Variants in TDRD15 observed in about 807,000 individuals in gnomAD.
TDRD15 encodes tudor domain-containing protein 15.
For synonymous variants in TDRD15, 503 were observed against 314.5 expected, an observed-to-expected ratio of 1.60 and a Z score of -6.34; for missense variants, 1,416 against 904.7, an observed-to-expected ratio of 1.57 and a Z score of -7.25.
At chr2:21,128,167 T>A (rs1665635341) in intron 2 of TDRD15, among the ~76,000 whole-genome samples, 1 of 152,196 alleles carries the variant, frequency 6.6e-6, no homozygotes, top group African/African-American at 2.4e-5. Flanking sequence ...ATATAATCAT[T>A]CATTTATGTT....
In TDRD15 at chr2:21,138,037, T is replaced by C; in HGVS notation, c.570T>C (p.Phe190=). The change falls in exon 4 of 4, where the codon TTT becomes TTC. Residue 190 remains phenylalanine (F), a synonymous_variant. Coordinates refer to ENST00000405799, the MANE Select transcript of TDRD15 (RefSeq NM_001306137.2). ...GAAGACTTGTTGATGGAGATTCATT[T>C]CGTCTTATTGTGGAAATGTTAGAAG... ...QLGRLVDGDS[F]RLIVEMLEEF... The C allele has an allele frequency of 1.4e-6, 1 of 716,348 alleles. No homozygotes were observed. The highest frequency in any genetic ancestry group is 2.6e-6 in the Non-Finnish European group (1 of 384,480). The allele number at this position is 716,348 out of a possible 1,614,324, so 44.4% of individuals were successfully genotyped here. A position where few individuals can be genotyped will look rare whatever the true frequency, so the allele number is the denominator to read the frequency against.
intron 1 of TDRD15, among the ~76,000 whole-genome samples, chr2:21,124,750 G>A (rs111206605): frequency 2.2e-3 from 326 of 147,760 alleles, no homozygotes; most frequent in African/African-American, 7.6e-3. Context: ...GTGCGTGTGT[G>A]TGTGTGTGAC....
At position 21,141,170 on chromosome 2, in the gene TDRD15, G is replaced by T; in HGVS notation, c.3703G>T (p.Gly1235Cys). Residue 1235 changes from glycine (G) to cysteine (C), a missense_variant, in exon 4 of 4, where the codon GGT becomes TGT. Gly to Cys is a radical substitution (Grantham distance 159). Coordinates refer to ENST00000405799, the MANE Select transcript of TDRD15 (RefSeq NM_001306137.2). Reference protein sequence around the residue: ...MKTSLNDGLKGIKIVPGAAHI... With the variant: ...MKTSLNDGLKCIKIVPGAAHI... ...GACTTCTTTGAATGATGGGCTTAAA[G>T]GTATAAAAATTGTCCCTGGAGCTGC... The T allele has an allele frequency of 1.4e-6, 1 of 714,960 alleles. No homozygotes were observed. The highest frequency in any genetic ancestry group is 2.7e-5 in the East Asian group (1 of 37,254). The allele number at this position is 714,960 out of a possible 1,614,324, so 44.3% of individuals were successfully genotyped here.
chr2:21,127,195 T>C (rs1465838232), intron 1 of TDRD15, among the ~76,000 whole-genome samples: 2 of 152,214 alleles, frequency 1.3e-5, no homozygotes, highest in African/African-American at 4.8e-5. Flanking sequence ...AAAAGTTCTT[T>C]ATATATTTTA....
At chr2:21,126,254 A>AT (rs1665590776) in intron 1 of TDRD15, among the ~76,000 whole-genome samples, 1 of 151,866 alleles carries the variant, frequency 6.6e-6, no homozygotes, top group African/African-American at 2.4e-5. Context: ...ATTAAATGGC[A>AT]TTTTCTAGGA....
At chr2:21,132,685 A>G (rs1378637867) in intron 2 of TDRD15, among the ~76,000 whole-genome samples, 1 of 152,210 alleles carries the variant, frequency 6.6e-6, no homozygotes. Flanking sequence ...AAATTAATAT[A>G]TTAAAAAAAT....
At chr2:21,130,150 G>A (rs930280292) in intron 2 of TDRD15, among the ~76,000 whole-genome samples, 31 of 152,162 alleles carry the variant, frequency 2.0e-4, no homozygotes, top group African/African-American at 7.5e-4. Context: ...TTTTGGAGGG[G>A]ACAAACATTT....
chr2:21,124,606 A>G (rs1378209053), intron 1 of TDRD15, among the ~76,000 whole-genome samples: 1 of 94,958 alleles, frequency 1.1e-5, no homozygotes, highest in Non-Finnish European at 2.1e-5. Context: ...GTGTGAGAGA[A>G]ACCCTAATGT....
rs1665861135 is a variant in TDRD15 at position 21,138,688 on chromosome 2, A to T, written c.1221A>T (p.Thr407=). The change falls in exon 4 of 4, where the codon ACA becomes ACT. Residue 407 remains threonine, a synonymous_variant. Transcript: ENST00000405799. ...YYVTLQTQES[T]VNSKCLLKTV... is the part of the protein sequence containing the mutation. The stretch of plus-strand genomic sequence containing the variant: ...TGACATTACAAACTCAAGAGTCTAC[A>T]GTTAATTCTAAGTGTCTACTGAAGA... 1.4e-6 allele frequency: 1 copy of T among 715,668 alleles called. No individual in the cohort carries two copies. The highest frequency in any genetic ancestry group is 2.6e-6 in the Non-Finnish European group (1 of 384,142). 44.3% of individuals were successfully genotyped at this position (715,668 alleles called of 1,614,324 possible). A position where few individuals can be genotyped will look rare whatever the true frequency, so the allele number is the denominator to read the frequency against.
chr2:21,146,274 A>G (rs893044072), downstream of TDRD15, among the ~76,000 whole-genome samples: 9 of 152,064 alleles, frequency 5.9e-5, no homozygotes, highest in African/African-American at 2.2e-4. Context: ...CATGTTAGAA[A>G]TGGCCTAGAT....
At chr2:21,144,997 A>T (rs1310414806), downstream of TDRD15, among the ~76,000 whole-genome samples, 1 of 151,882 alleles carries the variant, frequency 6.6e-6, no homozygotes, top group Non-Finnish European at 1.5e-5. Flanking sequence ...GGAAGAGGCT[A>T]ATCTAACATA....
chr2:21,129,509 A>G (rs1208403335), intron 2 of TDRD15, among the ~76,000 whole-genome samples: 1 of 152,178 alleles, frequency 6.6e-6, no homozygotes, highest in African/African-American at 2.4e-5. Flanking sequence ...TCTTTTCTGA[A>G]GAAATATGTA....
In TDRD15 at chr2:21,125,059, G is replaced by A. The variant is rs555180198; in HGVS notation, c.-201+1013G>A. Among the ~76,000 whole-genome samples, 3 of 149,532 alleles carry A rather than the reference G, an allele frequency of 2.0e-5. No homozygotes were observed. The East Asian group carries it at 6.1e-4, about 30-fold the overall frequency. ...GAGACCCTAATGTCAGGGTGTGTGA[G>A]TGTGAGAGAGACCCTAATGTCAGGG... On this transcript the variant is annotated intron_variant, in intron 1 of 3. Transcript: ENST00000405799.
chr2:21,123,982 C>T lies in TDRD15; in HGVS notation c.-265C>T, dbSNP rs562591463. On this transcript the variant is annotated 5_prime_UTR_variant, in exon 1 of 4. Transcript: ENST00000405799. ...GAACAGGGCCCGAGTCTCCCGCCAT[C>T]TTGGGCCCTAGCGGTATTTTTCCAG... 6.6e-6 allele frequency: 1 copy of T among 152,526 alleles called. No homozygotes were observed. The highest frequency in any genetic ancestry group is 6.5e-5 in the Admixed American group (1 of 15,316). The allele number at this position is 152,526 out of a possible 1,614,324, so 9.4% of individuals were successfully genotyped here. A position where few individuals can be genotyped will look rare whatever the true frequency, so the allele number is the denominator to read the frequency against.
intron 2 of TDRD15, among the ~76,000 whole-genome samples, chr2:21,129,495 T>C (rs944333055): frequency 1.3e-5 from 2 of 152,256 alleles, no homozygotes; most frequent in Non-Finnish European, 2.9e-5. Context: ...TGGCCTTTTA[T>C]GTATCTTTTC....
Position 21,139,609 on chromosome 2 carries a change from G to T in TDRD15, c.2142G>T (p.Val714=). 2 of 715,200 alleles carry T rather than the reference G, an allele frequency of 2.8e-6. No individual in the cohort carries two copies. The highest frequency in any genetic ancestry group is 3.0e-5 in the South Asian group (2 of 67,304). The allele number at this position is 715,200 out of a possible 1,614,324, so 44.3% of individuals were successfully genotyped here. ...KSKKYHSNNL[V]ENNLSLPKSL... ...AAAAGTACCATTCAAATAACCTGGT[G>T]GAAAATAACTTGTCTTTGCCAAAGT... is the stretch of plus-strand genomic sequence containing the variant. The change falls in exon 4 of 4, where the codon GTG becomes GTT. Residue 714 remains valine, a synonymous_variant. Transcript: ENST00000405799.
intron 2 of TDRD15, among the ~76,000 whole-genome samples, chr2:21,127,987 G>A (rs1304612004): frequency 6.6e-6 from 1 of 152,094 alleles, no homozygotes; most frequent in African/African-American, 2.4e-5. Context: ...CTTTCAGTAT[G>A]TATTCTTATA....
At chr2:21,147,207 A>G (rs914322349), downstream of TDRD15, among the ~76,000 whole-genome samples, 1 of 151,934 alleles carries the variant, frequency 6.6e-6, no homozygotes, top group Non-Finnish European at 1.5e-5. Context: ...AAACTGAACT[A>G]TATTTAAGGT....
chr2:21,143,038 A>G lies in TDRD15; in HGVS notation c.5571A>G (p.Lys1857=). 1 of 691,114 alleles carries G rather than the reference A, an allele frequency of 1.4e-6. No individual in the cohort carries two copies. Among genetic ancestry groups the G allele is most frequent in the Non-Finnish European group, 2.7e-6 (1 of 376,152 alleles). 42.8% of individuals were successfully genotyped at this position (691,114 alleles called of 1,614,324 possible). A position where few individuals can be genotyped will look rare whatever the true frequency, so the allele number is the denominator to read the frequency against. ...TTTTATATGGTATCTTACCTGCTAAAGGAAAACATTGGAGTGAAGAAGCCA... is the reference window on the plus strand; with the variant it reads ...TTTTATATGGTATCTTACCTGCTAAGGGAAAACATTGGAGTGAAGAAGCCA... ...PCILYGILPA[K]GKHWSEEAKI... The change falls in exon 4 of 4, where the codon AAA becomes AAG. Residue 1857 remains lysine (K), a synonymous_variant. Coordinates refer to ENST00000405799, the MANE Select transcript of TDRD15 (RefSeq NM_001306137.2).
Sources: allele counts gnomAD v4.1 joint callset (sites outside exome capture counted in the v4.1 genomes callset), GRCh38; gene constraint gnomAD v4.1.1; transcripts MANE v1.5; gene names NCBI Gene and HGNC (gene_info 2026-07-23, HGNC 2026-07-21).